The following STK39 variants were observed in gnomAD, a reference collection of about 807,000 sequenced individuals.
The protein encoded by STK39 is serine/threonine kinase 39.
STK39 carries 20 observed loss-of-function variants against 77.8 expected under a neutral mutation model. That is an observed-to-expected ratio of 0.26 (90% CI 0.18 to 0.37). The LOEUF is 0.37. Ranked by LOEUF, STK39 falls within the 10% of genes least tolerant of loss-of-function variation. STK39 has a pLI of 1.00. For synonymous variants in STK39, 246 were observed against 234.1 expected (o/e 1.05, Z -0.47); for missense variants, 479 against 656.5 (o/e 0.73, Z 2.95).
intron 17 of STK39, among the ~76,000 whole-genome samples, chr2:167,959,849 C>G (rs1046195080): frequency 1.3e-5 from 2 of 152,120 alleles, no homozygotes; most frequent in Non-Finnish European, 2.9e-5. Context: ...GCCGACATTA[C>G]CAGTTTTACC....
At chr2:168,021,631 T>G (rs1319000965) in intron 14 of STK39, among the ~76,000 whole-genome samples, 1 of 152,128 alleles carries the variant, frequency 6.6e-6, no homozygotes, top group Non-Finnish European at 1.5e-5. Flanking sequence ...TGATAAAAAC[T>G]TGAGAGTAAC....
chr2:168,023,364 T>A (rs1300828671), intron 14 of STK39, among the ~76,000 whole-genome samples: 3 of 151,954 alleles, frequency 2.0e-5, no homozygotes, highest in African/African-American at 7.3e-5. Context: ...CATCTTCAAG[T>A]GACACAACGA....
intron 10 of STK39, among the ~76,000 whole-genome samples, chr2:168,088,473 A>T (rs889814008): frequency 6.6e-5 from 10 of 152,198 alleles, no homozygotes; most frequent in Non-Finnish European, 1.3e-4. Flanking sequence ...GGAGGCACAG[A>T]AATCAGTTGC....
chr2:168,042,224 G>A (rs1164864296), intron 14 of STK39, among the ~76,000 whole-genome samples: 2 of 152,054 alleles, frequency 1.3e-5, no homozygotes, highest in Non-Finnish European at 2.9e-5. Context: ...CTTTCATACT[G>A]TAAGTCACCT....
intron 2 of STK39, among the ~76,000 whole-genome samples, chr2:168,178,225 C>T (rs2203703): frequency 0.28 from 42,649 of 152,070 alleles, 6,934 homozygotes; most frequent in East Asian, 0.56. Context: ...TCAGAAATTA[C>T]CAAAGCATCT....
rs934466205 is a variant in STK39, at chr2:168,033,013, G to T, written c.1377-15918C>A. On this transcript the variant is annotated intron_variant, in intron 14 of 17. Transcript: ENST00000355999. ...CAAATACACAGAATTCAAGAGATGG[G>T]TCAGAGGAGCTAAGATGTTGGGTAG... 3.3e-5 allele frequency among the ~76,000 whole-genome samples: 5 copies of T among 152,328 alleles called. No individual in the cohort carries two copies. In the East Asian group the frequency reaches 5.8e-4, roughly 18 times the overall value.
At chr2:168,112,798 T>G (rs943556524) in intron 10 of STK39, 7 of 152,138 alleles carry the variant, frequency 4.6e-5, no homozygotes, top group Non-Finnish European at 1.5e-5. Context: ...TACAACATAC[T>G]AGAATCAAAT....
rs72889619 is a variant in STK39 at position 168,094,282 on chromosome 2, C to T, written c.1090-19051G>A. ...GAGTCTTATCTCTGTAGCCTCGACA[C>T]AGTCCTGGTACTTGATATATGAACA... On this transcript the variant is annotated intron_variant, in intron 10 of 17. Coordinates refer to ENST00000355999, the MANE Select transcript of STK39 (RefSeq NM_013233.3). 9.3e-3 allele frequency among the ~76,000 whole-genome samples: 1,410 copies of T among 152,316 alleles called. 7 individuals carry two copies. Among genetic ancestry groups the T allele is most frequent in the Non-Finnish European group, 0.014 (934 of 68,016 alleles).
Position 167,955,402 on chromosome 2 carries a change from G to A in STK39, c.*94C>T, listed in dbSNP as rs200677587. 1.3e-4 allele frequency: 153 copies of A among 1,206,530 alleles called. 2 individuals carry two copies. In the African/African-American group the frequency reaches 2.0e-3, roughly 16 times the overall value. 74.7% of individuals were successfully genotyped at this position (1,206,530 alleles called of 1,614,324 possible). A position where few individuals can be genotyped will look rare whatever the true frequency, so the allele number is the denominator to read the frequency against. On this transcript the variant is annotated 3_prime_UTR_variant, in exon 18 of 18. Coordinates refer to ENST00000355999, the MANE Select transcript of STK39 (RefSeq NM_013233.3). ...GATTTTGCTAGGAAATGGGAGTGAG[G>A]GGGTGGGAGGAAATGGGCAGAAAGA...
At chr2:168,216,713 T>C (rs1197960934) in intron 1 of STK39, among the ~76,000 whole-genome samples, 1 of 152,204 alleles carries the variant, frequency 6.6e-6, no homozygotes, top group Non-Finnish European at 1.5e-5. Context: ...AAGACATTAT[T>C]CGTGTGCTTT....
chr2:168,012,778 T>TGGGTTTAGTAA, intron 15 of STK39, 76 bp from the exon 16 acceptor site: 1 of 1,231,614 alleles, frequency 8.1e-7, no homozygotes, highest in Non-Finnish European at 1.1e-6. Flanking sequence ...GTAAAATATA[T>TGGGTTTAGTAA]ATTTTTCATT....
At chr2:167,955,637 C>T in intron 17 of STK39, 67 bp from the exon 18 acceptor site, 3 of 1,515,072 alleles carry the variant, frequency 2.0e-6, no homozygotes, top group Non-Finnish European at 2.7e-6. Flanking sequence ...AGTCTTGTTC[C>T]TATGATGGCA....
chr2:168,218,933 T>C (rs572751448), intron 1 of STK39, among the ~76,000 whole-genome samples: 4 of 152,280 alleles, frequency 2.6e-5, no homozygotes, highest in Middle Eastern at 3.4e-3. Context: ...TGCTTTTTAT[T>C]CTTCAGGAAC....
intron 7 of STK39, 58 bp from the exon 8 acceptor site, chr2:168,138,279 T>C: frequency 6.5e-7 from 1 of 1,545,994 alleles, no homozygotes; most frequent in Non-Finnish European, 8.7e-7. Flanking sequence ...TACAATCTAG[T>C]TTTGAATTTT....
At chr2:168,016,387 C>CAAA (rs869084308) in intron 15 of STK39, among the ~76,000 whole-genome samples, 3,175 of 65,666 alleles carry the variant, frequency 0.048, 473 homozygotes, top group East Asian at 0.14. Context: ...GGCCTTTGTT[C>CAAA]AAAAAAAAAA....
chr2:168,151,256 C>A (rs145325498), intron 5 of STK39, among the ~76,000 whole-genome samples: 236 of 152,222 alleles, frequency 1.6e-3, no homozygotes, highest in African/African-American at 5.5e-3. Flanking sequence ...AAGAAGAAAT[C>A]ATAAGACAGT....
At chr2:168,097,771 G>A (rs1163743878) in intron 10 of STK39, among the ~76,000 whole-genome samples, 1 of 152,062 alleles carries the variant, frequency 6.6e-6, no homozygotes, top group African/African-American at 2.4e-5. Context: ...AAGAAGACTA[G>A]TGGAATAAAC....
chr2:168,120,901 TC>T (rs1687388528), intron 10 of STK39, among the ~76,000 whole-genome samples: 1 of 152,150 alleles, frequency 6.6e-6, no homozygotes, highest in South Asian at 2.1e-4. Context: ...CCTCCTTCCC[TC>T]TACACTTGCT....
At chr2:168,134,118 C>T (rs1559113253) in intron 8 of STK39, among the ~76,000 whole-genome samples, 1 of 152,120 alleles carries the variant, frequency 6.6e-6, no homozygotes, top group South Asian at 2.1e-4. Context: ...AACAATTCAG[C>T]ATAATGTAAG....
Sources: gnomAD v4.1 joint callset for allele counts (sites outside exome capture counted in the v4.1 genomes callset) on GRCh38, gnomAD v4.1.1 for gene constraint, MANE v1.5 for transcripts, NCBI Gene and HGNC (gene_info 2026-07-23, HGNC 2026-07-21) for gene names.